Variants in CSMD1 observed in about 807,000 individuals in gnomAD.
CSMD1 encodes CUB and Sushi multiple domains 1.
Under a neutral mutation model 417.5 loss-of-function variants are expected in CSMD1, and 213 were observed. The observed-to-expected ratio is 0.51, with a 90% CI of 0.46 to 0.57. The LOEUF (loss-of-function observed/expected upper bound fraction) is 0.57. CSMD1 is among the 20% of genes least tolerant of loss of function. The pLI, the probability that CSMD1 is intolerant of heterozygous loss-of-function variation, is 0.00. For missense variants in CSMD1, 6,923 were observed against 4,529.7 expected (o/e 1.53, Z -15.17); for synonymous variants, 2,862 against 1,736.8 (o/e 1.65, Z -16.11).
chr8:4,149,316 G>A (rs1260169632), intron 3 of CSMD1, among the ~76,000 whole-genome samples: 2 of 152,086 alleles, frequency 1.3e-5, no homozygotes, highest in African/African-American at 4.8e-5. Flanking sequence ...CATATTCACT[G>A]AGAATTTTTA....
At chr8:3,475,595 T>C (rs1224659848) in intron 11 of CSMD1, among the ~76,000 whole-genome samples, 1 of 152,204 alleles carries the variant, frequency 6.6e-6, no homozygotes, top group Non-Finnish European at 1.5e-5. Flanking sequence ...GAGAATTGTA[T>C]TAATCCAACC....
chr8:4,244,184 G>C (rs769573426), intron 3 of CSMD1, among the ~76,000 whole-genome samples: 1 of 152,148 alleles, frequency 6.6e-6, no homozygotes, highest in Non-Finnish European at 1.5e-5. Context: ...TGGTAGAACC[G>C]TTTAGGCTTA....
At chr8:4,107,244 AC>A (rs1376187191) in intron 3 of CSMD1, among the ~76,000 whole-genome samples, 1 of 152,162 alleles carries the variant, frequency 6.6e-6, no homozygotes, top group Non-Finnish European at 1.5e-5. Context: ...CAGAATGGAA[AC>A]CCAGTTCCAG....
intron 2 of CSMD1, among the ~76,000 whole-genome samples, chr8:4,565,608 A>G (rs1046054274): frequency 6.6e-6 from 1 of 151,666 alleles, no homozygotes; most frequent in Non-Finnish European, 1.5e-5. Flanking sequence ...GCTTACAGGC[A>G]CCTGTAGTCC....
chr8:3,572,700 A>T (rs1397999878), intron 10 of CSMD1, among the ~76,000 whole-genome samples: 2 of 152,168 alleles, frequency 1.3e-5, no homozygotes, highest in Non-Finnish European at 2.9e-5. Flanking sequence ...TCGCAATGGG[A>T]TACTTCTGGT....
chr8:4,476,459 A>G (rs1439737541), intron 2 of CSMD1, among the ~76,000 whole-genome samples: 2 of 152,244 alleles, frequency 1.3e-5, no homozygotes, highest in Non-Finnish European at 2.9e-5. Context: ...GTAAAATCAT[A>G]TAATTTGGGA....
chr8:4,899,793 G>A (rs895929687), intron 1 of CSMD1, among the ~76,000 whole-genome samples: 2 of 152,228 alleles, frequency 1.3e-5, no homozygotes, highest in African/African-American at 4.8e-5. Flanking sequence ...GAGGATACAA[G>A]CACAGAATAT....
At chr8:4,835,686 C>A (rs141020521) in intron 1 of CSMD1, among the ~76,000 whole-genome samples, 1 of 152,172 alleles carries the variant, frequency 6.6e-6, no homozygotes, top group African/African-American at 2.4e-5. Context: ...CTTTTATTTG[C>A]CACAATGATT....
chr8:3,945,151 T>G (rs1487146393), intron 5 of CSMD1, among the ~76,000 whole-genome samples: 1 of 141,832 alleles, frequency 7.1e-6, no homozygotes, highest in East Asian at 2.1e-4. Context: ...TGAACAATGA[T>G]TGCCAATAAT....
intron 3 of CSMD1, among the ~76,000 whole-genome samples, chr8:4,415,965 A>C (rs973190769): frequency 6.6e-6 from 1 of 152,192 alleles, no homozygotes; most frequent in African/African-American, 2.4e-5. Context: ...GGATCTCGGG[A>C]AACTAAAGTA....
intron 6 of CSMD1, among the ~76,000 whole-genome samples, chr8:3,720,620 T>TTCTCACAGACAC (rs72331833): frequency 7.0e-6 from 1 of 143,322 alleles, no homozygotes; most frequent in Non-Finnish European, 1.5e-5. Flanking sequence ...TCTTTATTCT[T>TTCTCACAGACAC]ACACACACAC....
chr8:3,181,092 A>G lies in CSMD1; in HGVS notation c.5725+18T>C. Reference sequence around the variant, plus strand: ...CAGTATAACAGTGGAAGCTGTATACAGAAAGAGTTGACCTTACTTTTGTAT... The same window carrying G: ...CAGTATAACAGTGGAAGCTGTATACGGAAAGAGTTGACCTTACTTTTGTAT... On this transcript the variant is annotated intron_variant, in intron 37 of 69. Transcript: ENST00000635120. 6.6e-7 allele frequency: 1 copy of G among 1,524,016 alleles called. No individual in the cohort carries two copies. The highest frequency in any genetic ancestry group is 1.1e-5 in the South Asian group (1 of 88,730). The allele number at this position is 1,524,016 out of a possible 1,614,324, so 94.4% of individuals were successfully genotyped here.
chr8:4,383,272 T>A (rs1358411246), intron 3 of CSMD1, among the ~76,000 whole-genome samples: 1 of 152,196 alleles, frequency 6.6e-6, no homozygotes, highest in East Asian at 1.9e-4. Flanking sequence ...CAGTTTGTAT[T>A]CCTTTCCAAG....
At chr8:4,148,285 A>C (rs1796382301) in intron 3 of CSMD1, among the ~76,000 whole-genome samples, 1 of 148,236 alleles carries the variant, frequency 6.7e-6, no homozygotes, top group African/African-American at 2.5e-5. Context: ...ACCAAACACC[A>C]CATGTTCTCA....
chr8:4,683,417 T>G lies in CSMD1; in HGVS notation c.86-45859A>C, dbSNP rs116864480. On this transcript the variant is annotated intron_variant, in intron 1 of 69. Coordinates refer to ENST00000635120, the MANE Select transcript of CSMD1 (RefSeq NM_033225.6). The stretch of plus-strand genomic sequence containing the variant: ...GAGACCTGTCCTTACATTTACACAC[T>G]CATTATATCCTGAAGGACACACTTG... 6.5e-3 allele frequency among the ~76,000 whole-genome samples: 985 copies of G among 152,246 alleles called. 5 individuals carry two copies. The highest frequency in any genetic ancestry group is 0.01 in the Non-Finnish European group (689 of 68,022).
chr8:4,624,646 G>C (rs940773113), intron 2 of CSMD1, among the ~76,000 whole-genome samples: 2 of 152,130 alleles, frequency 1.3e-5, no homozygotes, highest in South Asian at 2.1e-4. Flanking sequence ...CGGTGGGTCG[G>C]TGCCCAGCAG....
chr8:3,930,971 C>T (rs1021039709), intron 5 of CSMD1, among the ~76,000 whole-genome samples: 7 of 150,514 alleles, frequency 4.7e-5, no homozygotes, highest in Admixed American at 4.0e-4. Flanking sequence ...AGCAAAAACG[C>T]CCTGTGGAAT....
intron 3 of CSMD1, among the ~76,000 whole-genome samples, chr8:4,387,960 A>G (rs892853373): frequency 1.1e-4 from 16 of 152,178 alleles, no homozygotes; most frequent in African/African-American, 3.4e-4. Flanking sequence ...CTGGTAATTT[A>G]AAATTTTACT....
intron 26 of CSMD1, among the ~76,000 whole-genome samples, chr8:3,273,016 C>G (rs894576733): frequency 1.3e-5 from 2 of 151,784 alleles, no homozygotes; most frequent in African/African-American, 4.8e-5. Context: ...TGCCAGTCTT[C>G]AAAGGGAATG....
Sources: allele counts gnomAD v4.1 joint callset (sites outside exome capture counted in the v4.1 genomes callset), GRCh38; gene constraint gnomAD v4.1.1; transcripts MANE v1.5; gene names NCBI Gene and HGNC (gene_info 2026-07-23, HGNC 2026-07-21).